FAT4: variants seen among roughly 807,000 people sequenced by gnomAD.
The protein encoded by FAT4 is protocadherin Fat 4.
FAT4 carries 84 observed loss-of-function variants against 303.9 expected under a neutral mutation model. That is an observed-to-expected ratio of 0.28 (90% confidence interval 0.23 to 0.33). The LOEUF (loss-of-function observed/expected upper bound fraction) is 0.33. Among genes scored for constraint, FAT4 ranks in the 10% least tolerant of loss-of-function variants. FAT4 has a pLI of 1.00. For synonymous variants in FAT4, 2,307 were observed against 2,298.8 expected, an observed-to-expected ratio of 1.00 and a Z score of -0.10; for missense variants, 6,005 against 6,146.8, an observed-to-expected ratio of 0.98 and a Z score of 0.77.
Position 125,413,435 on chromosome 4 carries a change from C to T in FAT4, c.5921-1449C>T, listed in dbSNP as rs548140669. Among the ~76,000 whole-genome samples, 4 of 151,962 alleles carry T rather than the reference C, an allele frequency of 2.6e-5. 1 individual carries two copies. The highest frequency in any genetic ancestry group is 9.6e-5 in the African/African-American group (4 of 41,538). ...ACTATAAAGATTAAAAGTCACAACT[C>T]ATAATGAGGGGGAAAAAATAAACTA... On this transcript the variant is annotated intron_variant, in intron 5 of 17. Coordinates refer to ENST00000394329, the MANE Select transcript of FAT4 (RefSeq NM_001291303.3).
In FAT4 at chr4:125,490,220, G is replaced by C. The variant is rs149993049; in HGVS notation, c.13404G>C (p.Val4468=). The change falls in exon 18 of 18, where the codon GTG becomes GTC. Residue 4468 remains valine (V), a synonymous_variant. Coordinates refer to ENST00000394329, the MANE Select transcript of FAT4 (RefSeq NM_001291303.3). ...SHTGRTCEMV[V]ACLGVLCPQG... ...CGGGAAGGACCTGTGAGATGGTGGT[G>C]GCCTGTCTTGGCGTCCTCTGTCCTC... The C allele has an allele frequency of 3.1e-6, 5 of 1,614,138 alleles. No homozygotes were observed. The highest frequency in any genetic ancestry group is 4.2e-6 in the Non-Finnish European group (5 of 1,180,022).
In FAT4 at chr4:125,358,195, T is replaced by C. The variant is rs1732511529; in HGVS notation, c.5175+36609T>C. On this transcript the variant is annotated intron_variant, in intron 2 of 17. Transcript: ENST00000394329. The stretch of plus-strand genomic sequence containing the variant: ...CCTTATTATGGACAAATTTACCTGT[T>C]ATGTTAGGAGAAATGAGTTTCATTT... 2.0e-5 allele frequency among the ~76,000 whole-genome samples: 3 copies of C among 152,116 alleles called. No individual in the cohort carries two copies. In the South Asian group the frequency reaches 6.2e-4, roughly 31 times the overall value.
chr4:125,381,093 G>A (rs968470348), intron 2 of FAT4, among the ~76,000 whole-genome samples: 2 of 152,108 alleles, frequency 1.3e-5, no homozygotes, highest in African/African-American at 4.8e-5. Flanking sequence ...GCAAGTGATG[G>A]ACTATGCATT....
rs925926334 is a variant in FAT4, at chr4:125,449,985, C to G, written c.8975C>G (p.Thr2992Ser). Residue 2992 changes from threonine (T) to serine (S), a missense_variant, in exon 10 of 18, where the codon ACT becomes AGT. Coordinates refer to ENST00000394329, the MANE Select transcript of FAT4 (RefSeq NM_001291303.3). ...CAATTTCTTAAAAGTAAATATTTCA[C>G]TCCAGTCACCAAAAATGTTAAGGTT... ...APQFLKSKYF[T>S]PVTKNVKVGT... The G allele has an allele frequency of 6.2e-7, 1 of 1,613,680 alleles. No homozygotes were observed. The highest frequency in any genetic ancestry group is 1.3e-5 in the African/African-American group (1 of 74,904).
chr4:125,370,967 G>C (rs372391213), intron 2 of FAT4, among the ~76,000 whole-genome samples: 4 of 151,972 alleles, frequency 2.6e-5, no homozygotes, highest in African/African-American at 9.7e-5. Flanking sequence ...CCAACGTGGT[G>C]AAACCTCGTC....
chr4:125,416,538 G>C lies in FAT4; in HGVS notation c.6934G>C (p.Ala2312Pro). ...GNEDNAFTLS[A>P]SGELGVTQSL... ...TGAAGACAATGCTTTTACTCTCTCA[G>C]CCAGTGGAGAACTTGGAGTAACACA... The change falls in exon 7 of 18, where the codon GCC becomes CCC. Residue 2312 changes from alanine (A) to proline (P), a missense_variant. Coordinates refer to ENST00000394329, the MANE Select transcript of FAT4 (RefSeq NM_001291303.3). The C allele has an allele frequency of 6.2e-7, 1 of 1,614,010 alleles. No individual in the cohort carries two copies. Among genetic ancestry groups the C allele is most frequent in the Non-Finnish European group, 8.5e-7 (1 of 1,179,928 alleles).
At position 125,490,412 on chromosome 4, in the gene FAT4, G is replaced by A. The variant is rs2126096815; in HGVS notation, c.13596G>A (p.Arg4532=). ...GCCTGATCCTGTGTAACCAGTGCAG[G>A]GGGAAGAAGGCCAAAAATCCCAAAG... ...VLSLILCNQC[R]GKKAKNPKEE... The change falls in exon 18 of 18, where the codon AGG becomes AGA. Residue 4532 remains arginine (R), a synonymous_variant. Transcript: ENST00000394329. 1 of 1,614,106 alleles carries A rather than the reference G, an allele frequency of 6.2e-7. No homozygotes were observed. The highest frequency in any genetic ancestry group is 8.5e-7 in the Non-Finnish European group (1 of 1,180,020).
At chr4:125,380,616 A>C (rs1413809618) in intron 2 of FAT4, among the ~76,000 whole-genome samples, 1 of 152,216 alleles carries the variant, frequency 6.6e-6, no homozygotes, top group Non-Finnish European at 1.5e-5. Flanking sequence ...CTGAAAAAAC[A>C]ATCACAGGTT....
rs61411789 is a variant in FAT4, at chr4:125,453,704, TAAAA to T, written c.11800+907_11800+910del. On this transcript the variant is annotated intron_variant, in intron 10 of 17. Transcript: ENST00000394329. ...CTGGCAACAGAGCAAGACTCTGTCT[TAAAA>T]AAAAAAAAAAAATGGTGTGTTATTC... 6.6e-3 allele frequency among the ~76,000 whole-genome samples: 963 copies of T among 144,928 alleles called. 9 individuals are homozygous for T. Among genetic ancestry groups the T allele is most frequent in the African/African-American group, 0.023 (895 of 39,686 alleles).
chr4:125,358,110 CT>C (rs934729803), intron 2 of FAT4, among the ~76,000 whole-genome samples: 3 of 151,994 alleles, frequency 2.0e-5, no homozygotes, highest in African/African-American at 4.8e-5. Context: ...TGAAATTAAC[CT>C]TTTTTTCTTT....
In FAT4 at chr4:125,450,808, C is replaced by G. The variant is rs769948581; in HGVS notation, c.9798C>G (p.Tyr3266Ter). 1.7e-5 allele frequency: 28 copies of G among 1,614,094 alleles called. 1 individual carries two copies. The South Asian group carries it at 3.1e-4, about 18-fold the overall frequency. ...TGGATTTTGAAACCAAGCAGAGCTA[C>G]CATCTTACTGTGAAAGCCTTCAATG... ...GFLDFETKQS[Y>*]HLTVKAFNVP... Residue 3266 changes from tyrosine to a stop codon, truncating the protein, a stop_gained, in exon 10 of 18, where the codon TAC becomes TAG. Transcript: ENST00000394329. LOFTEE classifies it high-confidence loss of function.
intron 2 of FAT4, among the ~76,000 whole-genome samples, chr4:125,391,988 G>A (rs1333645956): frequency 6.6e-6 from 1 of 152,100 alleles, no homozygotes; most frequent in African/African-American, 2.4e-5. Context: ...TTGTCAGAAT[G>A]AGCAGGACAC....
intron 5 of FAT4, among the ~76,000 whole-genome samples, chr4:125,410,850 T>C (rs1041110561): frequency 6.6e-6 from 1 of 152,144 alleles, no homozygotes; most frequent in Non-Finnish European, 1.5e-5. Context: ...TTAATTGCAT[T>C]GAGTAAAAGT....
At chr4:125,373,602 T>C (rs1380453658) in intron 2 of FAT4, among the ~76,000 whole-genome samples, 2 of 152,210 alleles carry the variant, frequency 1.3e-5, no homozygotes, top group African/African-American at 4.8e-5. Flanking sequence ...AATACTAATA[T>C]CAGTTCTATT....
At chr4:125,475,939 G>C (rs1425671416) in intron 12 of FAT4, among the ~76,000 whole-genome samples, 1 of 151,918 alleles carries the variant, frequency 6.6e-6, no homozygotes, top group African/African-American at 2.4e-5. Flanking sequence ...ATTTTTAAAG[G>C]TACCCTTTTA....
intron 2 of FAT4, among the ~76,000 whole-genome samples, chr4:125,396,926 GTATATATATATATATATA>G (rs66744105): frequency 0.24 from 34,858 of 143,870 alleles, 4,336 homozygotes; most frequent in East Asian, 0.38. Context: ...ATGTGTGTGT[GTATATATATATATATATA>G]TATATATATA....
intron 14 of FAT4, among the ~76,000 whole-genome samples, chr4:125,479,032 G>A (rs187555838): frequency 2.0e-5 from 3 of 152,098 alleles, no homozygotes; most frequent in African/African-American, 4.8e-5. Flanking sequence ...GTTGGGCCTC[G>A]GTGTTTCTCA....
chr4:125,471,373 T>C (rs543049772), intron 12 of FAT4, among the ~76,000 whole-genome samples: 60 of 152,278 alleles, frequency 3.9e-4, no homozygotes, highest in African/African-American at 1.3e-3. Context: ...AAACCTTCAA[T>C]TGGTAAAAAA....
chr4:125,394,091 G>A (rs956316816), intron 2 of FAT4: 2 of 705,566 alleles, frequency 2.8e-6, no homozygotes, highest in African/African-American at 1.8e-5. Flanking sequence ...AGATATCTAA[G>A]CACAAAGGTC....
Sources: allele counts gnomAD v4.1 joint callset (sites outside exome capture counted in the v4.1 genomes callset), GRCh38; gene constraint gnomAD v4.1.1; transcripts MANE v1.5; gene names NCBI Gene and HGNC (gene_info 2026-07-23, HGNC 2026-07-21).